Variants in ANK3 observed in about 807,000 individuals in gnomAD.
ANK3 encodes ankyrin-3.
Under a neutral mutation model 370.9 loss-of-function variants are expected in ANK3, and 57 were observed. The ratio of observed to expected loss-of-function variants is 0.15; its 90% confidence interval spans 0.12 to 0.19. ANK3 has a LOEUF of 0.19. ANK3 is among the 10% of genes least tolerant of loss of function. The pLI is 1.00. For synonymous variants in ANK3, 1,929 were observed against 1,946.3 expected (o/e 0.99, Z 0.23); for missense variants, 4,439 against 5,302.1 (o/e 0.84, Z 5.06).
intron 2 of ANK3, among the ~76,000 whole-genome samples, chr10:60,464,163 C>T (rs1181795232): frequency 6.6e-6 from 1 of 152,098 alleles, no homozygotes; most frequent in Non-Finnish European, 1.5e-5. Context: ...CTAATCGGTG[C>T]TGTTGTCGCC....
chr10:60,142,547 T>C (rs923982900), intron 23 of ANK3, among the ~76,000 whole-genome samples: 1 of 151,566 alleles, frequency 6.6e-6, no homozygotes, highest in Non-Finnish European at 1.5e-5. Context: ...CTACATGTCA[T>C]GGCAACTTAG....
chr10:60,195,181 A>G (rs1206067445), intron 16 of ANK3, among the ~76,000 whole-genome samples: 1 of 122,522 alleles, frequency 8.2e-6, no homozygotes, highest in Non-Finnish European at 1.7e-5. Flanking sequence ...AGGTCAGGAG[A>G]TCGAGACCAT....
chr10:60,618,694 C>T (rs1392104734), intron 1 of ANK3, among the ~76,000 whole-genome samples: 1 of 152,108 alleles, frequency 6.6e-6, no homozygotes, highest in Non-Finnish European at 1.5e-5. Flanking sequence ...CTTTCTCATA[C>T]ACCCATTAGG....
At chr10:60,350,935 C>T (rs992182946) in intron 1 of ANK3, among the ~76,000 whole-genome samples, 2 of 151,938 alleles carry the variant, frequency 1.3e-5, no homozygotes. Flanking sequence ...GCTCCAATTA[C>T]TTAAAACTGC....
chr10:60,386,833 CT>C (rs1194094297), intron 1 of ANK3, among the ~76,000 whole-genome samples: 2 of 152,142 alleles, frequency 1.3e-5, no homozygotes, highest in African/African-American at 4.8e-5. Context: ...TTTTCCCAAG[CT>C]TTTGAGCGTA....
intron 1 of ANK3, among the ~76,000 whole-genome samples, chr10:60,673,542 G>A (rs965949450): frequency 6.6e-6 from 1 of 151,974 alleles, no homozygotes. Flanking sequence ...AGTAGAGATG[G>A]GGTTCCACCA....
rs1390971164 is a variant in ANK3, at chr10:60,072,683, A to G, written c.8198T>C (p.Met2733Thr). Residue 2733 changes from methionine (M) to threonine (T), a missense_variant, in exon 37 of 44, where the codon ATG becomes ACG. Coordinates refer to ENST00000280772, the MANE Select transcript of ANK3 (RefSeq NM_020987.5). Reference sequence around the variant, plus strand: ...ATCTGACTTTCTGTCTTCTTGAGACATGTCCTTACTTTTTGCGTGTGTGCC... The same window carrying G: ...ATCTGACTTTCTGTCTTCTTGAGACGTGTCCTTACTTTTTGCGTGTGTGCC... The part of the protein sequence containing the change: ...EQGTHAKSKD[M>T]SQEDRKSDGQ... 2 of 1,613,916 alleles carry G rather than the reference A, an allele frequency of 1.2e-6. No individual in the cohort carries two copies. The highest frequency in any genetic ancestry group is 1.1e-5 in the South Asian group (1 of 91,062).
At chr10:60,045,049 C>T (rs1354481228) in intron 42 of ANK3, among the ~76,000 whole-genome samples, 1 of 151,970 alleles carries the variant, frequency 6.6e-6, no homozygotes, top group Non-Finnish European at 1.5e-5. Context: ...ATCTATGCAC[C>T]CACAATCTAT....
rs201738481 is a variant in ANK3 at position 60,615,623 on chromosome 10, C to CA, written c.58-400dup. ...TTTTTCCTCCGCATGAAAATGCTGG[C>CA]ATCAGAAAACATTTTCCCATATAAC... On this transcript the variant is annotated intron_variant, in intron 1 of 43. Coordinates refer to the ANK3 transcript ENST00000373827. Among the ~76,000 whole-genome samples the CA allele has an allele frequency of 4.9e-3, 751 of 152,256 alleles. 1 individual carries two copies. The highest frequency in any genetic ancestry group is 8.2e-3 in the Non-Finnish European group (555 of 67,990).
At position 60,327,469 on chromosome 10, in the gene ANK3, C is replaced by T. The variant is rs72822290; in HGVS notation, c.115-47830G>A. Among the ~76,000 whole-genome samples, 734 of 152,298 alleles carry T rather than the reference C, an allele frequency of 4.8e-3. 4 individuals carry two copies. Among genetic ancestry groups the T allele is most frequent in the Non-Finnish European group, 6.2e-3 (423 of 68,042 alleles). ...ATACAAAAACTTACTTTTGCACTGA[C>T]TCCCACATTCTACTAATCTTTTCCT... On this transcript the variant is annotated intron_variant, in intron 1 of 43. Transcript: ENST00000280772.
chr10:60,336,091 G>GGGGGC (rs535205022), intron 1 of ANK3, among the ~76,000 whole-genome samples: 42 of 141,982 alleles, frequency 3.0e-4, no homozygotes, highest in African/African-American at 1.3e-3. Context: ...ATAGTTTGGC[G>GGGGGC]GGGGGGGGAA....
At chr10:60,250,388 G>A (rs1389580383) in intron 7 of ANK3, among the ~76,000 whole-genome samples, 1 of 152,062 alleles carries the variant, frequency 6.6e-6, no homozygotes, top group Non-Finnish European at 1.5e-5. Flanking sequence ...TTTTTGAGAT[G>A]GAGTCTCGCT....
At chr10:60,667,118 G>T (rs1275625886) in intron 1 of ANK3, among the ~76,000 whole-genome samples, 1 of 149,974 alleles carries the variant, frequency 6.7e-6, no homozygotes, top group Non-Finnish European at 1.5e-5. Context: ...GCTAAATCTG[G>T]CACACACACC....
intron 1 of ANK3, among the ~76,000 whole-genome samples, chr10:60,641,569 G>C (rs1323497509): frequency 2.0e-5 from 3 of 151,778 alleles, no homozygotes; most frequent in African/African-American, 7.2e-5. Flanking sequence ...GGGAAAACTG[G>C]CTAGCCATAT....
intron 2 of ANK3, among the ~76,000 whole-genome samples, chr10:60,472,126 C>G (rs2065233931): frequency 6.6e-6 from 1 of 152,032 alleles, no homozygotes; most frequent in Non-Finnish European, 1.5e-5. Flanking sequence ...TCAAGTAAGA[C>G]TTGGAAATAA....
At chr10:60,613,369 A>G (rs547378967) in intron 2 of ANK3, among the ~76,000 whole-genome samples, 1 of 152,318 alleles carries the variant, frequency 6.6e-6, no homozygotes, top group East Asian at 1.9e-4. Flanking sequence ...TAACTATCTG[A>G]ATAGCCACTA....
At chr10:60,099,616 A>T (rs774589944) in intron 28 of ANK3, among the ~76,000 whole-genome samples, 6 of 152,204 alleles carry the variant, frequency 3.9e-5, no homozygotes, top group Non-Finnish European at 8.8e-5. Flanking sequence ...TTGTGCAAAT[A>T]AAAACATGGT....
chr10:60,581,286 C>T (rs1454638271), intron 2 of ANK3, among the ~76,000 whole-genome samples: 2 of 152,300 alleles, frequency 1.3e-5, no homozygotes, highest in East Asian at 3.9e-4. Flanking sequence ...CCATTTCTCG[C>T]ACACCACCAA....
chr10:60,280,393 C>T (rs2098143247), intron 1 of ANK3, among the ~76,000 whole-genome samples: 1 of 152,178 alleles, frequency 6.6e-6, no homozygotes, highest in Non-Finnish European at 1.5e-5. Context: ...CAGATATTTG[C>T]AGGCAATGAT....
Sources: gnomAD v4.1 joint callset for allele counts (sites outside exome capture counted in the v4.1 genomes callset) on GRCh38, gnomAD v4.1.1 for gene constraint, MANE v1.5 for transcripts, NCBI Gene and HGNC (gene_info 2026-07-23, HGNC 2026-07-21) for gene names.